POU3F2: variants seen among roughly 807,000 people sequenced by gnomAD.
POU3F2 encodes the protein POU domain, class 3, transcription factor 2.
Under a neutral mutation model 33.1 loss-of-function variants are expected in POU3F2, and 11 were observed. The observed-to-expected ratio is 0.33, with a 90% CI of 0.21 to 0.55. The LOEUF (loss-of-function observed/expected upper bound fraction) is 0.55, where lower values mean the gene tolerates loss of function less well. Among genes scored for constraint, POU3F2 ranks in the 20% least tolerant of loss-of-function variants. The pLI is 0.91. For missense variants in POU3F2, 456 were observed against 620.2 expected (o/e 0.74, Z 2.81); for synonymous variants, 332 against 289.6 (o/e 1.15, Z -1.49).
chr6:98,835,594 C>G lies in POU3F2; in HGVS notation c.721C>G (p.Pro241Ala), dbSNP rs1440867130. 2 of 1,606,058 alleles carry G rather than the reference C, an allele frequency of 1.2e-6. No homozygotes were observed. The highest frequency in any genetic ancestry group is 8.5e-7 in the Non-Finnish European group (1 of 1,177,840). Residue 241 changes from proline (P) to alanine (A), a missense_variant, in exon 1 of 1, where the codon CCC becomes GCC. By Grantham distance (27) the Pro-to-Ala change is conservative. Coordinates refer to ENST00000328345, the MANE Select transcript of POU3F2 (RefSeq NM_005604.4). The surrounding 1 kb of genome is among the most constrained non-coding windows in gnomAD (Gnocchi z 9.7). ...CTCGCACCCACACCAGCAGCCGCCGCCCCCGCCGCCCCCGCAGGGTCCGCC... is the reference window on the plus strand; with the variant it reads ...CTCGCACCCACACCAGCAGCCGCCGGCCCCGCCGCCCCCGCAGGGTCCGCC... ...PHSHPHQQPP[P>A]PPPPQGPPGH...
At position 98,835,788 on chromosome 6, in the gene POU3F2, G is replaced by A. The variant is rs1418597986; in HGVS notation, c.915G>A (p.Gln305=). The A allele has an allele frequency of 8.1e-6, 13 of 1,614,182 alleles. No homozygotes were observed. Among genetic ancestry groups the A allele is most frequent in the Non-Finnish European group, 1.0e-5 (12 of 1,180,034 alleles). ...LGTLYGNVFS[Q]TTICRFEALQ... is the part of the protein sequence containing the mutation. ...CCCTGTATGGCAACGTGTTCTCGCA[G>A]ACCACCATCTGCAGGTTTGAGGCCC... is the stretch of plus-strand genomic sequence containing the variant. The change falls in exon 1 of 1, where the codon CAG becomes CAA. Residue 305 remains glutamine (Q), a synonymous_variant. Transcript: ENST00000328345. The surrounding 1 kb of genome is among the most constrained non-coding windows in gnomAD (Gnocchi z 9.7).
At position 98,834,692 on chromosome 6, in the gene POU3F2, G is replaced by T; in HGVS notation, c.-182G>T. On this transcript the variant is annotated 5_prime_UTR_variant, in exon 1 of 1. Transcript: ENST00000328345. ...AGGGCGGGCGGGAGGCGGCGGCGGC[G>T]GCAGCAGCAGCAGTAATAGCAGGAG... 3.0e-6 allele frequency: 2 copies of T among 663,270 alleles called. No individual in the cohort carries two copies. The highest frequency in any genetic ancestry group is 3.0e-5 in the Admixed American group (1 of 32,884). 41.1% of individuals were successfully genotyped at this position (663,270 alleles called of 1,614,324 possible). A position where few individuals can be genotyped will look rare whatever the true frequency, so the allele number is the denominator to read the frequency against.
rs981291227 is a variant in POU3F2, at chr6:98,837,006, T to C, written c.*801T>C. 1.2e-5 allele frequency: 2 copies of C among 167,096 alleles called. No individual in the cohort carries two copies. The highest frequency in any genetic ancestry group is 4.8e-5 in the African/African-American group (2 of 41,444). 10.4% of individuals were successfully genotyped at this position (167,096 alleles called of 1,614,324 possible). ...TACCAAAGCAAAAGGATTGGCTTCA[T>C]ACAAAATAGACAATTCTCTGATTTC... On this transcript the variant is annotated 3_prime_UTR_variant, in exon 1 of 1. Transcript: ENST00000328345.
rs1344904623 is a variant in POU3F2 at position 98,835,335 on chromosome 6, G to T, written c.462G>T (p.Leu154=). The change falls in exon 1 of 1, where the codon CTG becomes CTT. Residue 154 remains leucine, a synonymous_variant. Transcript: ENST00000328345. The surrounding 1 kb of genome is among the most constrained non-coding windows in gnomAD (Gnocchi z 9.7). ...AGCAGCAACAGCGGCCGCCGCATCTGGTGCACCACGCCGCTAACCACCACC... is the reference window on the plus strand; with the variant it reads ...AGCAGCAACAGCGGCCGCCGCATCTTGTGCACCACGCCGCTAACCACCACC... ...QQQQQQRPPH[L]VHHAANHHPG... 17 of 1,546,298 alleles carry T rather than the reference G, an allele frequency of 1.1e-5. No individual in the cohort carries two copies. In the African/African-American group the frequency reaches 1.7e-4, roughly 15 times the overall value.
Position 98,835,215 on chromosome 6 carries a change from C to A in POU3F2, c.342C>A (p.Arg114=). ...CGGTGGTGGTGCAGCAGGGCGGCCG[C>A]GGAGACGAGCTGCACGGGCCAGGCG... is the stretch of plus-strand genomic sequence containing the variant. ...KPSVVVQQGG[R]GDELHGPGAL... The change falls in exon 1 of 1, where the codon CGC becomes CGA. Residue 114 remains arginine, a synonymous_variant. Transcript: ENST00000328345. The surrounding 1 kb of genome is among the most constrained non-coding windows in gnomAD (Gnocchi z 9.7). 6.6e-7 allele frequency: 1 copy of A among 1,522,610 alleles called. No homozygotes were observed. The highest frequency in any genetic ancestry group is 8.8e-7 in the Non-Finnish European group (1 of 1,136,812). The allele number at this position is 1,522,610 out of a possible 1,614,324, so 94.3% of individuals were successfully genotyped here.
rs530383046 is a variant in POU3F2, at chr6:98,835,004, A to G, written c.131A>G (p.Asp44Gly). ...GAAGCGCAGAGCCTGGTGCAGGGCG[A>G]CTACGGCGCTCTGCAGAGCAACGGA... ...YREAQSLVQG[D>G]YGALQSNGHP... The change falls in exon 1 of 1, where the codon GAC (aspartate) becomes GGC (glycine). Residue 44 changes from aspartate to glycine, a missense_variant. By Grantham distance (94) the Asp-to-Gly change is moderately conservative. Coordinates refer to ENST00000328345, the MANE Select transcript of POU3F2 (RefSeq NM_005604.4). The surrounding 1 kb of genome is among the most constrained non-coding windows in gnomAD (Gnocchi z 9.7). 3.8e-6 allele frequency: 6 copies of G among 1,590,492 alleles called. No homozygotes were observed. The African/African-American group carries it at 6.7e-5, about 18-fold the overall frequency.
Position 98,835,408 on chromosome 6 carries a change from C to A in POU3F2, c.535C>A (p.Pro179Thr). ...RSAAAAAHLP[P>T]SMGASNGGLL... ...CGCGGCGGCTGCAGCGCACCTCCCA[C>A]CCTCCATGGGAGCGTCCAACGGCGG... The change falls in exon 1 of 1, where the codon CCC (proline) becomes ACC (threonine). Residue 179 changes from proline to threonine, a missense_variant. Pro to Thr is a conservative substitution (Grantham distance 38). Transcript: ENST00000328345. The surrounding 1 kb of genome is among the most constrained non-coding windows in gnomAD (Gnocchi z 9.7). 1 of 1,586,966 alleles carries A rather than the reference C, an allele frequency of 6.3e-7. No homozygotes were observed. The highest frequency in any genetic ancestry group is 8.5e-7 in the Non-Finnish European group (1 of 1,170,382).
Position 98,836,232 on chromosome 6 carries a change from C to T in POU3F2, c.*27C>T, listed in dbSNP as rs558750380. The T allele has an allele frequency of 2.8e-4, 440 of 1,546,332 alleles. 1 individual carries two copies. The highest frequency in any genetic ancestry group is 1.4e-3 in the Middle Eastern group (8 of 5,778). ...CTCGAGCTGGGGGAGGGGCAGAGCG[C>T]GGGGCTCCCCCTCCCCTTCGGTCCT... On this transcript the variant is annotated 3_prime_UTR_variant, in exon 1 of 1. Transcript: ENST00000328345.
Position 98,837,454 on chromosome 6 carries a change from A to G in POU3F2, c.*1249A>G, listed in dbSNP as rs1309047079. 6.0e-6 allele frequency: 1 copy of G among 167,028 alleles called. No individual in the cohort carries two copies. Among genetic ancestry groups the G allele is most frequent in the East Asian group, 1.9e-4 (1 of 5,196 alleles). The allele number at this position is 167,028 out of a possible 1,614,324, so 10.3% of individuals were successfully genotyped here. A position where few individuals can be genotyped will look rare whatever the true frequency, so the allele number is the denominator to read the frequency against. On this transcript the variant is annotated 3_prime_UTR_variant, in exon 1 of 1. Transcript: ENST00000328345. ...TTTTTTTTTACATAAAAAAAGACCC[A>G]GGAACTTAATAGTGTATGCATAAGA...
chr6:98,834,599 G>C lies in POU3F2; in HGVS notation c.-275G>C, dbSNP rs988896907. 3.5e-5 allele frequency: 17 copies of C among 485,160 alleles called. No individual in the cohort carries two copies. Among genetic ancestry groups the C allele is most frequent in the South Asian group, 6.8e-5 (3 of 44,416 alleles). The allele number at this position is 485,160 out of a possible 1,614,324, so 30.1% of individuals were successfully genotyped here. A position where few individuals can be genotyped will look rare whatever the true frequency, so the allele number is the denominator to read the frequency against. ...AGAGAGCTGGAGAGAGCAGGGAGAG[G>C]GGGGAGCGCCGAGCTAGTCAGAGAG... is the stretch of plus-strand genomic sequence containing the variant. On this transcript the variant is annotated 5_prime_UTR_variant, in exon 1 of 1. Transcript: ENST00000328345.
chr6:98,835,038 C>G lies in POU3F2; in HGVS notation c.165C>G (p.Leu55=). The change falls in exon 1 of 1, where the codon CTC becomes CTG. Residue 55 remains leucine, a synonymous_variant. Coordinates refer to ENST00000328345, the MANE Select transcript of POU3F2 (RefSeq NM_005604.4). This position sits in a 1 kb window ranked among gnomAD's most constrained non-coding sequence, Gnocchi z 9.7. The part of the protein sequence containing the change: ...YGALQSNGHP[L]SHAHQWITAL... ...CTCTGCAGAGCAACGGACACCCGCT[C>G]AGCCACGCTCACCAGTGGATCACCG... 2 of 1,512,428 alleles carry G rather than the reference C, an allele frequency of 1.3e-6. No homozygotes were observed. Among genetic ancestry groups the G allele is most frequent in the East Asian group, 2.6e-5 (1 of 38,284 alleles). The allele number at this position is 1,512,428 out of a possible 1,614,324, so 93.7% of individuals were successfully genotyped here. A position where few individuals can be genotyped will look rare whatever the true frequency, so the allele number is the denominator to read the frequency against.
In POU3F2 at chr6:98,835,074, CGGCGGCGGCGGCGGG is replaced by C; in HGVS notation, c.207_221del (p.Gly84_Gly88del). On this transcript the variant is annotated inframe_deletion, in exon 1 of 1. Coordinates refer to ENST00000328345, the MANE Select transcript of POU3F2 (RefSeq NM_005604.4). The surrounding 1 kb of genome is among the most constrained non-coding windows in gnomAD (Gnocchi z 9.7). ...ACCAGTGGATCACCGCGCTGTCCCA[CGGCGGCGGCGGCGGG>C]GGCGGTGGCGGCGGCGGGGGGGGCG... 8.5e-7 allele frequency: 1 copy of C among 1,171,236 alleles called. No homozygotes were observed. The highest frequency in any genetic ancestry group is 1.1e-6 in the Non-Finnish European group (1 of 949,870). The allele number at this position is 1,171,236 out of a possible 1,614,324, so 72.6% of individuals were successfully genotyped here.
Position 98,835,234 on chromosome 6 carries a change from C to A in POU3F2, c.361C>A (p.Pro121Thr). ...QGGRGDELHGPGALQQQHQQQ... is the reference protein window; with the variant it reads ...QGGRGDELHGTGALQQQHQQQ... ...CGGCCGCGGAGACGAGCTGCACGGG[C>A]CAGGCGCCCTGCAGCAGCAGCATCA... The change falls in exon 1 of 1, where the codon CCA becomes ACA. Residue 121 changes from proline (P) to threonine (T), a missense_variant. By Grantham distance (38) the Pro-to-Thr change is conservative. Transcript: ENST00000328345. The surrounding 1 kb of genome is among the most constrained non-coding windows in gnomAD (Gnocchi z 9.7). The A allele has an allele frequency of 6.5e-7, 1 of 1,540,880 alleles. No homozygotes were observed. The highest frequency in any genetic ancestry group is 8.7e-7 in the Non-Finnish European group (1 of 1,144,220).
Position 98,834,593 on chromosome 6 carries a change from G to GGA in POU3F2, c.-277_-276dup. On this transcript the variant is annotated 5_prime_UTR_variant, in exon 1 of 1. Coordinates refer to ENST00000328345, the MANE Select transcript of POU3F2 (RefSeq NM_005604.4). ...AGCGGGAGAGAGCTGGAGAGAGCAG[G>GGA]GAGAGGGGGGAGCGCCGAGCTAGTC... 2.1e-6 allele frequency: 1 copy of GGA among 475,182 alleles called. No individual in the cohort carries two copies. The highest frequency in any genetic ancestry group is 4.1e-5 in the East Asian group (1 of 24,206). The allele number at this position is 475,182 out of a possible 1,614,324, so 29.4% of individuals were successfully genotyped here.
chr6:98,836,354 A>G lies in POU3F2; in HGVS notation c.*149A>G. Reference sequence around the variant, plus strand: ...CGTCCCTTAAAAAGACAAAAAAAATAAGGCAAAAGGAAAGCAACTAAGACA... The same window carrying G: ...CGTCCCTTAAAAAGACAAAAAAAATGAGGCAAAAGGAAAGCAACTAAGACA... On this transcript the variant is annotated 3_prime_UTR_variant, in exon 1 of 1. Coordinates refer to ENST00000328345, the MANE Select transcript of POU3F2 (RefSeq NM_005604.4). The G allele has an allele frequency of 9.3e-7, 1 of 1,076,130 alleles. No homozygotes were observed. Among genetic ancestry groups the G allele is most frequent in the East Asian group, 2.9e-5 (1 of 34,776 alleles). The allele number at this position is 1,076,130 out of a possible 1,614,324, so 66.7% of individuals were successfully genotyped here.
In POU3F2 at chr6:98,835,461, G is replaced by A. The variant is rs1391129781; in HGVS notation, c.588G>A (p.Thr196=). The change falls in exon 1 of 1, where the codon ACG becomes ACA. Residue 196 remains threonine, a synonymous_variant. Coordinates refer to ENST00000328345, the MANE Select transcript of POU3F2 (RefSeq NM_005604.4). The surrounding 1 kb of genome is among the most constrained non-coding windows in gnomAD (Gnocchi z 9.7). ...GGLLYSQPSF[T]VNGMLGAGGQ... is the part of the protein sequence containing the mutation. Reference sequence around the variant, plus strand: ...TGCTCTACTCGCAGCCCAGCTTCACGGTGAACGGCATGCTGGGCGCCGGCG... The same window carrying A: ...TGCTCTACTCGCAGCCCAGCTTCACAGTGAACGGCATGCTGGGCGCCGGCG... The A allele has an allele frequency of 6.3e-7, 1 of 1,583,246 alleles. No homozygotes were observed.
chr6:98,835,889 C>T lies in POU3F2; in HGVS notation c.1016C>T (p.Ser339Leu), dbSNP rs1470254817. The change falls in exon 1 of 1, where the codon TCG (serine) becomes TTG (leucine). Residue 339 changes from serine to leucine, a missense_variant. Around this residue, in one of 6 missense-constraint regions of POU3F2, gnomAD observed 48 missense variants for 96.0 expected, o/e 0.50. Transcript: ENST00000328345. This position sits in a 1 kb window ranked among gnomAD's most constrained non-coding sequence, Gnocchi z 9.7. ...TGGTTGGAGGAGGCGGACTCGTCCT[C>T]GGGCAGCCCCACGAGCATAGACAAG... ...NKWLEEADSS[S>L]GSPTSIDKIA... 1.2e-6 allele frequency: 2 copies of T among 1,614,190 alleles called. No individual in the cohort carries two copies.
chr6:98,836,736 A>G lies in POU3F2; in HGVS notation c.*531A>G, dbSNP rs1311882273. Reference sequence around the variant, plus strand: ...TTTAACCACATAAATTTGCACTGCAAGAAAATTGAAGTTTACGTGAACAAA... The same window carrying G: ...TTTAACCACATAAATTTGCACTGCAGGAAAATTGAAGTTTACGTGAACAAA... On this transcript the variant is annotated 3_prime_UTR_variant, in exon 1 of 1. Coordinates refer to ENST00000328345, the MANE Select transcript of POU3F2 (RefSeq NM_005604.4). 1 of 167,140 alleles carries G rather than the reference A, an allele frequency of 6.0e-6. No individual in the cohort carries two copies. Among genetic ancestry groups the G allele is most frequent in the Non-Finnish European group, 1.5e-5 (1 of 68,182 alleles). 10.4% of individuals were successfully genotyped at this position (167,140 alleles called of 1,614,324 possible).
chr6:98,835,222 G>T lies in POU3F2; in HGVS notation c.349G>T (p.Glu117Ter). 1 of 1,528,994 alleles carries T rather than the reference G, an allele frequency of 6.5e-7. No individual in the cohort carries two copies. The allele number at this position is 1,528,994 out of a possible 1,614,324, so 94.7% of individuals were successfully genotyped here. ...GGTGCAGCAGGGCGGCCGCGGAGAC[G>T]AGCTGCACGGGCCAGGCGCCCTGCA... ...VVVQQGGRGD[E>*]LHGPGALQQQ... Residue 117 changes from glutamate to a stop codon, truncating the protein, a stop_gained, in exon 1 of 1, where the codon GAG becomes TAG. Coordinates refer to ENST00000328345, the MANE Select transcript of POU3F2 (RefSeq NM_005604.4). LOFTEE classifies it high-confidence loss of function. The surrounding 1 kb of genome is among the most constrained non-coding windows in gnomAD (Gnocchi z 9.7).
Sources: allele counts gnomAD v4.1 joint callset, GRCh38; gene constraint gnomAD v4.1.1; regional missense constraint gnomAD v4.1.1; non-coding constraint Gnocchi (gnomAD v3.1); transcripts MANE v1.5; gene names NCBI Gene and HGNC (gene_info 2026-07-23, HGNC 2026-07-21).